Variants in MYO6 observed in about 807,000 individuals in gnomAD.
MYO6 encodes the protein myosin VI, also known as unconventional myosin-VI.
Under a neutral mutation model 178.7 loss-of-function variants are expected in MYO6, and 74 were observed. The ratio of observed to expected loss-of-function variants is 0.41; its 90% confidence interval spans 0.34 to 0.50. The LOEUF is 0.50. Among genes scored for constraint, MYO6 ranks in the 20% least tolerant of loss-of-function variants. The probability of loss-of-function intolerance (pLI) is 0.09; values close to 1 mark genes in which losing one functional copy is unlikely to be tolerated. For missense variants in MYO6, 1,330 were observed against 1,547.4 expected (o/e 0.86, Z 2.36); for synonymous variants, 477 against 504.6 (o/e 0.95, Z 0.73).
intron 1 of MYO6, among the ~76,000 whole-genome samples, chr6:75,779,812 C>T (rs915152237): frequency 5.3e-5 from 8 of 152,316 alleles, no homozygotes; most frequent in African/African-American, 1.9e-4. Flanking sequence ...TGCTAAATGA[C>T]TTACCTTTTT....
At chr6:75,760,901 G>C (rs193023512) in intron 1 of MYO6, among the ~76,000 whole-genome samples, 1 of 152,188 alleles carries the variant, frequency 6.6e-6, no homozygotes, top group Non-Finnish European at 1.5e-5. Flanking sequence ...GAATTTCCTT[G>C]ATTTGAGGAT....
At chr6:75,768,716 G>C (rs917774158) in intron 1 of MYO6, among the ~76,000 whole-genome samples, 15 of 152,218 alleles carry the variant, frequency 9.9e-5, no homozygotes, top group African/African-American at 3.4e-4. Context: ...GGGATAGTGA[G>C]TTTGGGAATA....
chr6:75,813,206 G>T (rs1263923487), intron 1 of MYO6, among the ~76,000 whole-genome samples: 1 of 152,080 alleles, frequency 6.6e-6, no homozygotes, highest in East Asian at 1.9e-4. Context: ...AAATCTATCT[G>T]CTGCTGTATT....
intron 19 of MYO6, among the ~76,000 whole-genome samples, chr6:75,871,232 A>G (rs570246307): frequency 2.6e-5 from 4 of 152,182 alleles, no homozygotes; most frequent in South Asian, 2.1e-4. Flanking sequence ...TTTTTACACA[A>G]ATCCACAGAA....
chr6:75,767,828 T>C (rs1036007934), intron 1 of MYO6, among the ~76,000 whole-genome samples: 1 of 152,150 alleles, frequency 6.6e-6, no homozygotes, highest in African/African-American at 2.4e-5. Context: ...CAAATTCTAT[T>C]CTTAAGCAAT....
intron 1 of MYO6, among the ~76,000 whole-genome samples, chr6:75,751,471 G>A (rs949991046): frequency 1.3e-5 from 2 of 152,026 alleles, no homozygotes; most frequent in African/African-American, 4.8e-5. Flanking sequence ...AGAAACATGA[G>A]CAAGAAAAAT....
chr6:75,890,718 T>C (rs911427580), intron 26 of MYO6, among the ~76,000 whole-genome samples: 4 of 152,236 alleles, frequency 2.6e-5, no homozygotes, highest in African/African-American at 9.6e-5. Flanking sequence ...GAGAATAAGG[T>C]CATTTTATAA....
chr6:75,907,593 T>C lies in MYO6; in HGVS notation c.3177-12T>C. 1.9e-6 allele frequency: 3 copies of C among 1,597,176 alleles called. No individual in the cohort carries two copies. The highest frequency in any genetic ancestry group is 2.6e-6 in the Non-Finnish European group (3 of 1,165,102). Reference sequence around the variant, plus strand: ...TCTGGTTTAAACATGCAAAAATGTGTAATAATTACAGAGGTCCTGCTGTAC... The same window carrying C: ...TCTGGTTTAAACATGCAAAAATGTGCAATAATTACAGAGGTCCTGCTGTAC... On this transcript the variant is annotated splice_polypyrimidine_tract_variant and intron_variant, in intron 30 of 34. Transcript: ENST00000369977.
chr6:75,804,597 A>G (rs1363922483), intron 1 of MYO6, among the ~76,000 whole-genome samples: 1 of 151,944 alleles, frequency 6.6e-6, no homozygotes, highest in Non-Finnish European at 1.5e-5. Context: ...TTTTCCTATT[A>G]GCTAGAAGGC....
rs574944107 is a variant in MYO6, at chr6:75,757,385, A to G, written c.-48+7962A>G. ...TGTGTGTGTGTGTGTATATATATGTATACACATATATATACACACACACAC... is the reference window on the plus strand; with the variant it reads ...TGTGTGTGTGTGTGTATATATATGTGTACACATATATATACACACACACAC... On this transcript the variant is annotated intron_variant, in intron 1 of 34. Transcript: ENST00000369977. 1.6e-3 allele frequency among the ~76,000 whole-genome samples: 243 copies of G among 149,210 alleles called. 1 individual carries two copies. Among genetic ancestry groups the G allele is most frequent in the Middle Eastern group, 3.5e-3 (1 of 286 alleles).
At chr6:75,850,033 A>G (rs1036707981) in intron 11 of MYO6, among the ~76,000 whole-genome samples, 1 of 152,122 alleles carries the variant, frequency 6.6e-6, no homozygotes, top group East Asian at 1.9e-4. Flanking sequence ...GCTTATGGCA[A>G]AATTTTTGCT....
rs544594844 is a variant in MYO6 at position 75,779,983 on chromosome 6, C to A, written c.-48+30560C>A. On this transcript the variant is annotated intron_variant, in intron 1 of 34. Coordinates refer to ENST00000369977, the MANE Select transcript of MYO6 (RefSeq NM_004999.4). ...ACTGCTGTATGTACTGTCTCTTAAG[C>A]TGAAAACAAATTCTCTCTGTCTGGC... 9.9e-5 allele frequency among the ~76,000 whole-genome samples: 15 copies of A among 152,254 alleles called. No individual in the cohort carries two copies. The South Asian group carries it at 3.1e-3, about 32-fold the overall frequency.
chr6:75,840,495 CAT>C, intron 7 of MYO6, 88 bp from the exon 8 acceptor site: 1 of 879,608 alleles, frequency 1.1e-6, no homozygotes, highest in East Asian at 2.5e-5. Flanking sequence ...TTTTTCTAGA[CAT>C]ATATATTAAC....
At chr6:75,820,753 T>C (rs1771785353) in intron 2 of MYO6, among the ~76,000 whole-genome samples, 1 of 152,180 alleles carries the variant, frequency 6.6e-6, no homozygotes. Context: ...GAAGTTTTTC[T>C]ACAGATACCC....
chr6:75,882,191 T>C (rs937206525), intron 23 of MYO6, among the ~76,000 whole-genome samples: 15 of 152,156 alleles, frequency 9.9e-5, no homozygotes, highest in Non-Finnish European at 2.2e-4. Flanking sequence ...GTAATTGATT[T>C]TCCTTTCTTA....
intron 30 of MYO6, among the ~76,000 whole-genome samples, chr6:75,905,608 G>A (rs985528253): frequency 2.0e-5 from 3 of 152,142 alleles, no homozygotes; most frequent in Non-Finnish European, 2.9e-5. Flanking sequence ...ACTGACCTGC[G>A]CCCACTGTCT....
In MYO6 at chr6:75,866,280, T is replaced by TGTGTGTGGGG. The variant is rs562112068; in HGVS notation, c.1675-239_1675-238insGGGGTGTGTG. Among the ~76,000 whole-genome samples, 122 of 149,006 alleles carry TGTGTGTGGGG rather than the reference T, an allele frequency of 8.2e-4. No homozygotes were observed. The East Asian group carries it at 0.013, about 16-fold the overall frequency. ...CTCCGTCTCTGTCTCTGTCTCTGTG[T>TGTGTGTGGGG]GTGTGTGTGTGTGTGTGTGTGTGTG... On this transcript the variant is annotated intron_variant, in intron 16 of 34. Transcript: ENST00000369977.
chr6:75,792,864 G>A (rs572480928), intron 1 of MYO6, among the ~76,000 whole-genome samples: 3 of 152,208 alleles, frequency 2.0e-5, no homozygotes, highest in African/African-American at 7.2e-5. Flanking sequence ...GCTCACTGCA[G>A]CCTTGAACTC....
intron 2 of MYO6, among the ~76,000 whole-genome samples, chr6:75,819,477 A>G (rs139704693): frequency 6.6e-6 from 1 of 152,358 alleles, no homozygotes; most frequent in East Asian, 1.9e-4. Flanking sequence ...GTGTGTGCGC[A>G]GTGGAAGTAC....
Sources: gnomAD v4.1 joint callset for allele counts (sites outside exome capture counted in the v4.1 genomes callset) on GRCh38, gnomAD v4.1.1 for gene constraint, MANE v1.5 for transcripts, NCBI Gene and HGNC (gene_info 2026-07-23, HGNC 2026-07-21) for gene names.